PRKN: variants seen among roughly 807,000 people sequenced by gnomAD.
The protein encoded by PRKN is E3 ubiquitin-protein ligase parkin.
PRKN carries 56 observed loss-of-function variants against 59.5 expected under a neutral mutation model. The ratio of observed to expected loss-of-function variants is 0.94; its 90% CI spans 0.76 to 1.18. PRKN has a LOEUF of 1.18. Among genes scored for constraint, PRKN ranks in the 50% most tolerant of loss-of-function variants. The pLI, the probability that PRKN is intolerant of heterozygous loss-of-function variation, is 0.00. For synonymous variants in PRKN, 250 were observed against 222.1 expected, an observed-to-expected ratio of 1.13 and a Z score of -1.12; for missense variants, 657 against 596.4, an observed-to-expected ratio of 1.10 and a Z score of -1.06.
chr6:162,688,552 A>T (rs984784101), intron 1 of PRKN, among the ~76,000 whole-genome samples: 1 of 152,188 alleles, frequency 6.6e-6, no homozygotes, highest in Non-Finnish European at 1.5e-5. Flanking sequence ...ATCTTTCCTA[A>T]AACAAAATTT....
intron 6 of PRKN, among the ~76,000 whole-genome samples, chr6:161,829,031 A>C (rs1370838383): frequency 1.3e-5 from 2 of 152,154 alleles, no homozygotes; most frequent in African/African-American, 4.8e-5. Flanking sequence ...GTTCAAGACC[A>C]GCCTGGCCAA....
intron 5 of PRKN, among the ~76,000 whole-genome samples, chr6:162,022,603 T>G (rs549907768): frequency 6.6e-6 from 1 of 152,314 alleles, no homozygotes. Flanking sequence ...TTGCAAATAT[T>G]TTCTCTCATT....
At chr6:161,887,375 A>G (rs1304403453) in intron 6 of PRKN, among the ~76,000 whole-genome samples, 1 of 152,212 alleles carries the variant, frequency 6.6e-6, no homozygotes, top group African/African-American at 2.4e-5. Context: ...TTAATTTGAT[A>G]AAAACAAACC....
At chr6:162,668,768 G>A (rs1184013602) in intron 1 of PRKN, among the ~76,000 whole-genome samples, 1 of 152,156 alleles carries the variant, frequency 6.6e-6, no homozygotes, top group Non-Finnish European at 1.5e-5. Flanking sequence ...GTCATGAGAA[G>A]TATCTAATAG....
chr6:162,075,138 C>T (rs1401694440), intron 4 of PRKN, among the ~76,000 whole-genome samples: 1 of 152,152 alleles, frequency 6.6e-6, no homozygotes, highest in African/African-American at 2.4e-5. Flanking sequence ...GAGGCAGTTT[C>T]AGGCAGCAAA....
At chr6:162,011,599 G>A (rs1354063249) in intron 5 of PRKN, among the ~76,000 whole-genome samples, 1 of 143,102 alleles carries the variant, frequency 7.0e-6, no homozygotes, top group Non-Finnish European at 1.5e-5. Flanking sequence ...GTTTTGCAGT[G>A]CTATGAATAA....
rs534060238 is a variant in PRKN, at chr6:162,727,705, G to C, written c.-37C>G. On this transcript the variant is annotated 5_prime_UTR_variant, in exon 1 of 12. Coordinates refer to ENST00000366898, the MANE Select transcript of PRKN (RefSeq NM_004562.3). ...AGGTGGCGGCTGCGGGCCAGGAACA[G>C]GCCCATGCGCGCAGCGGCGCCAGCC... is the stretch of plus-strand genomic sequence containing the variant. 2.7e-5 allele frequency: 42 copies of C among 1,561,064 alleles called. No homozygotes were observed. The African/African-American group carries it at 5.3e-4, about 20-fold the overall frequency.
intron 3 of PRKN, among the ~76,000 whole-genome samples, chr6:162,203,441 G>A (rs191514495): frequency 1.3e-5 from 2 of 152,260 alleles, no homozygotes; most frequent in African/African-American, 4.8e-5. Flanking sequence ...GCTCCACTTG[G>A]TCAAGCAGCT....
chr6:161,743,352 T>C (rs1476569608), intron 7 of PRKN, among the ~76,000 whole-genome samples: 2 of 150,438 alleles, frequency 1.3e-5, no homozygotes, highest in African/African-American at 4.9e-5. Flanking sequence ...CCCGAGCAGC[T>C]GGGACTACAG....
intron 2 of PRKN, among the ~76,000 whole-genome samples, chr6:162,402,507 G>A (rs1224808908): frequency 6.6e-6 from 1 of 151,742 alleles, no homozygotes; most frequent in African/African-American, 2.4e-5. Context: ...TCATTGTCTC[G>A]GGGTATAAGA....
chr6:162,378,043 C>T (rs973687084), intron 2 of PRKN, among the ~76,000 whole-genome samples: 3 of 152,106 alleles, frequency 2.0e-5, no homozygotes, highest in African/African-American at 4.8e-5. Flanking sequence ...CCTTTCTCGT[C>T]GGGATTCACA....
At chr6:161,434,997 T>C (rs1484782890) in intron 9 of PRKN, among the ~76,000 whole-genome samples, 1 of 152,184 alleles carries the variant, frequency 6.6e-6, no homozygotes, top group Non-Finnish European at 1.5e-5. Flanking sequence ...TGAAAGCCTT[T>C]GCCCGGCATG....
intron 2 of PRKN, among the ~76,000 whole-genome samples, chr6:162,440,624 G>A (rs9356020): frequency 0.092 from 13,967 of 151,998 alleles, 720 homozygotes; most frequent in South Asian, 0.15. Flanking sequence ...CTATGATAAA[G>A]AATACGAAAC....
intron 7 of PRKN, among the ~76,000 whole-genome samples, chr6:161,721,592 G>C (rs1398135089): frequency 6.6e-6 from 1 of 152,176 alleles, no homozygotes; most frequent in African/African-American, 2.4e-5. Flanking sequence ...TGTTTATGCA[G>C]TCCCATCACA....
intron 2 of PRKN, among the ~76,000 whole-genome samples, chr6:162,271,047 G>C (rs1212805048): frequency 2.2e-5 from 3 of 138,392 alleles, no homozygotes; most frequent in Non-Finnish European, 3.0e-5. Flanking sequence ...TGTAGAGATG[G>C]GATCTCACTT....
chr6:162,441,838 C>A (rs1354770804), intron 2 of PRKN, among the ~76,000 whole-genome samples: 1 of 152,110 alleles, frequency 6.6e-6, no homozygotes, highest in African/African-American at 2.4e-5. Flanking sequence ...CATATGAAAT[C>A]GCTAATTGTT....
intron 3 of PRKN, among the ~76,000 whole-genome samples, chr6:162,201,670 T>C (rs1229452454): frequency 6.6e-6 from 1 of 152,146 alleles, no homozygotes; most frequent in African/African-American, 2.4e-5. Flanking sequence ...TCATAATATC[T>C]ACAGAGAAAA....
intron 6 of PRKN, among the ~76,000 whole-genome samples, chr6:161,836,678 G>T (rs1792769481): frequency 1.3e-5 from 2 of 152,272 alleles, no homozygotes; most frequent in South Asian, 4.1e-4. Context: ...TCATCAAAAT[G>T]GAAGGTAGAA....
At chr6:161,375,148 A>C (rs1166481564) in intron 10 of PRKN, among the ~76,000 whole-genome samples, 1 of 151,988 alleles carries the variant, frequency 6.6e-6, no homozygotes, top group South Asian at 2.1e-4. Flanking sequence ...CATGCCCCTC[A>C]AGGCAGAACT....
Sources: allele counts gnomAD v4.1 joint callset (sites outside exome capture counted in the v4.1 genomes callset), GRCh38; gene constraint gnomAD v4.1.1; transcripts MANE v1.5; gene names NCBI Gene and HGNC (gene_info 2026-07-23, HGNC 2026-07-21).